PDPR: variants seen among roughly 807,000 people sequenced by gnomAD.
PDPR encodes the protein pyruvate dehydrogenase phosphatase regulatory subunit, mitochondrial.
In PDPR, 50 loss-of-function variants were observed where a neutral mutation model predicts 102.2. That is an observed-to-expected ratio of 0.49 (90% confidence interval 0.39 to 0.62). The LOEUF (loss-of-function observed/expected upper bound fraction) is 0.62, where lower values mean the gene tolerates loss of function less well. PDPR is among the 20% of genes least tolerant of loss of function. PDPR has a pLI of 0.00. For synonymous variants in PDPR, 259 were observed against 406.0 expected, an observed-to-expected ratio of 0.64 and a Z score of 4.35; for missense variants, 625 against 1,098.2, an observed-to-expected ratio of 0.57 and a Z score of 6.09.
intron 2 of PDPR, among the ~76,000 whole-genome samples, chr16:70,118,859 C>T (rs2549527): frequency 1.3e-5 from 2 of 151,650 alleles, no homozygotes; most frequent in African/African-American, 2.4e-5. Flanking sequence ...GGGATGTCTG[C>T]CTGGACACAG....
At chr16:70,150,491 G>A (rs533202472) in intron 17 of PDPR, among the ~76,000 whole-genome samples, 1 of 151,698 alleles carries the variant, frequency 6.6e-6, no homozygotes, top group South Asian at 2.1e-4. Flanking sequence ...TTTTCTTCTT[G>A]ATGTTAGTCA....
chr16:70,139,149 T>G (rs1438262767), intron 11 of PDPR, 126 bp downstream of exon 11: 1 of 1,492,220 alleles, frequency 6.7e-7, no homozygotes, highest in Non-Finnish European at 9.0e-7. Flanking sequence ...GCATTTGATT[T>G]GACTGTTTCA....
In PDPR at chr16:70,159,927, G is replaced by A. The variant is rs1967623491; in HGVS notation, c.*3048G>A. ...AGCACGTTTGTCTTCTGTCCCTAGA[G>A]ATTTGAAGGATTTTGGACTCTTGTG... On this transcript the variant is annotated 3_prime_UTR_variant, in exon 19 of 19. Transcript: ENST00000288050. 1 of 153,080 alleles carries A rather than the reference G, an allele frequency of 6.5e-6. No individual in the cohort carries two copies. The highest frequency in any genetic ancestry group is 2.4e-5 in the African/African-American group (1 of 41,496). The allele number at this position is 153,080 out of a possible 1,614,324, so 9.5% of individuals were successfully genotyped here.
chr16:70,132,889 T>C (rs557420762), intron 9 of PDPR, among the ~76,000 whole-genome samples: 400 of 152,190 alleles, frequency 2.6e-3, no homozygotes, highest in Non-Finnish European at 3.7e-3. Flanking sequence ...CATAGCTCAC[T>C]GTAGCCTCAA....
rs1967341723 is a variant in PDPR at position 70,157,391 on chromosome 16, C to T, written c.*512C>T. ...CAGCTCGTTCTCCTGTTCTGCTGTG[C>T]TGTGGGCTGGCACTCGATACCTCTG... On this transcript the variant is annotated 3_prime_UTR_variant, in exon 19 of 19. Coordinates refer to ENST00000288050, the MANE Select transcript of PDPR (RefSeq NM_017990.5). 1 of 363,348 alleles carries T rather than the reference C, an allele frequency of 2.8e-6. No individual in the cohort carries two copies. The highest frequency in any genetic ancestry group is 3.7e-5 in the Admixed American group (1 of 26,938). The allele number at this position is 363,348 out of a possible 1,614,324, so 22.5% of individuals were successfully genotyped here. A position where few individuals can be genotyped will look rare whatever the true frequency, so the allele number is the denominator to read the frequency against.
At position 70,156,522 on chromosome 16, in the gene PDPR, T is replaced by C. The variant is rs769541777; in HGVS notation, c.2283T>C (p.Asn761=). Residue 761 remains asparagine (N), a synonymous_variant, in exon 19 of 19, where the codon AAT becomes AAC. Transcript: ENST00000288050. ...ACGCCCTCCTGCAGCAGAAGCAGAA[T>C]GGAGTGTATAAACGCCTCACCATGT... ...GRDALLQQKQ[N]GVYKRLTMFI... 6.9e-5 allele frequency: 111 copies of C among 1,613,878 alleles called. No individual in the cohort carries two copies. The highest frequency in any genetic ancestry group is 4.9e-4 in the Middle Eastern group (3 of 6,078).
At chr16:70,127,677 A>G (rs142611506) in intron 4 of PDPR, among the ~76,000 whole-genome samples, 7,053 of 149,800 alleles carry the variant, frequency 0.047, 191 homozygotes, top group African/African-American at 0.17. Flanking sequence ...TTTTGAAAAT[A>G]AGATACCAAA....
At chr16:70,139,583 C>T (rs1965506382) in intron 11 of PDPR, among the ~76,000 whole-genome samples, 1 of 152,286 alleles carries the variant, frequency 6.6e-6, no homozygotes, top group Admixed American at 6.5e-5. Flanking sequence ...ACATACATTC[C>T]TGCTCTCACT....
intron 9 of PDPR, among the ~76,000 whole-genome samples, chr16:70,135,642 T>C: frequency 6.6e-6 from 1 of 152,286 alleles, no homozygotes; most frequent in Non-Finnish European, 1.5e-5. Flanking sequence ...TTACTTGCTG[T>C]TCTCTGCTGC....
intron 3 of PDPR, among the ~76,000 whole-genome samples, chr16:70,125,398 A>AC (rs1555521453): frequency 6.8e-6 from 1 of 147,092 alleles, no homozygotes; most frequent in African/African-American, 2.5e-5. Context: ...AAACAAAAAA[A>AC]CAAAAATTAG....
At chr16:70,152,397 T>C (rs1966804572) in intron 17 of PDPR, among the ~76,000 whole-genome samples, 1 of 152,268 alleles carries the variant, frequency 6.6e-6, no homozygotes, top group South Asian at 2.1e-4. Flanking sequence ...CAGCCACCTA[T>C]AGTACCAGCT....
At position 70,157,486 on chromosome 16, in the gene PDPR, C is replaced by G; in HGVS notation, c.*607C>G. On this transcript the variant is annotated 3_prime_UTR_variant, in exon 19 of 19. Transcript: ENST00000288050. ...GACGTTCTCTGGTCTGTAGTGGAGA[C>G]AAGCAGTTAACCTAGCACCATCCTC... is the stretch of plus-strand genomic sequence containing the variant. 3.1e-6 allele frequency: 1 copy of G among 320,882 alleles called. No homozygotes were observed. Among genetic ancestry groups the G allele is most frequent in the Non-Finnish European group, 6.1e-6 (1 of 164,226 alleles). 19.9% of individuals were successfully genotyped at this position (320,882 alleles called of 1,614,324 possible).
At chr16:70,148,726 G>C (rs1966454355) in intron 17 of PDPR, 173 bp downstream of exon 17, 1 of 647,424 alleles carries the variant, frequency 1.5e-6, no homozygotes, top group Non-Finnish European at 2.8e-6. Flanking sequence ...CTGCATTGAA[G>C]AGATTTGACC....
rs1237158559 is a variant in PDPR, at chr16:70,158,379, G to T, written c.*1500G>T. The T allele has an allele frequency of 6.6e-6, 1 of 152,560 alleles. No homozygotes were observed. Among genetic ancestry groups the T allele is most frequent in the African/African-American group, 2.4e-5 (1 of 41,478 alleles). The allele number at this position is 152,560 out of a possible 1,614,324, so 9.5% of individuals were successfully genotyped here. On this transcript the variant is annotated 3_prime_UTR_variant, in exon 19 of 19. Coordinates refer to ENST00000288050, the MANE Select transcript of PDPR (RefSeq NM_017990.5). ...ATCTTGGAAGCATTAGCTCTGATAG[G>T]TCTATAAGTGTATTAAGGGACATCC...
chr16:70,143,405 T>A, intron 13 of PDPR, 105 bp from the exon 14 acceptor site: 1 of 1,382,888 alleles, frequency 7.2e-7, no homozygotes, highest in Non-Finnish European at 9.9e-7. Context: ...CACATGGGAA[T>A]TGGCTGATTG....
intron 3 of PDPR, among the ~76,000 whole-genome samples, chr16:70,123,098 C>T (rs1473645261): frequency 6.6e-6 from 1 of 152,060 alleles, no homozygotes; most frequent in African/African-American, 2.4e-5. Context: ...GATGGGGTTT[C>T]ACCATGTTGG....
chr16:70,146,351 G>T (rs1248208657), intron 16 of PDPR, 123 bp downstream of exon 16: 29 of 1,465,788 alleles, frequency 2.0e-5, no homozygotes, highest in Non-Finnish European at 2.3e-5. Flanking sequence ...GGGTGAGGTG[G>T]CACATGCCTG....
intron 9 of PDPR, among the ~76,000 whole-genome samples, chr16:70,133,370 C>T (rs1184748407): frequency 6.6e-6 from 1 of 151,498 alleles, no homozygotes; most frequent in Non-Finnish European, 1.5e-5. Context: ...GATCCGCCTG[C>T]CTCAGCCTCC....
chr16:70,154,095 G>T, intron 18 of PDPR, among the ~76,000 whole-genome samples: 1 of 152,276 alleles, frequency 6.6e-6, no homozygotes, highest in Non-Finnish European at 1.5e-5. Flanking sequence ...GGCAGAGGTT[G>T]CAGTGAGCCG....
Sources: allele counts gnomAD v4.1 joint callset (sites outside exome capture counted in the v4.1 genomes callset), GRCh38; gene constraint gnomAD v4.1.1; transcripts MANE v1.5; gene names NCBI Gene and HGNC (gene_info 2026-07-23, HGNC 2026-07-21).